Variants in ADRA1A observed in about 807,000 individuals in gnomAD.
ADRA1A encodes the protein adrenoceptor alpha 1A, also known as alpha-1A adrenergic receptor.
Under a neutral mutation model 29.6 loss-of-function variants are expected in ADRA1A, and 31 were observed. The ratio of observed to expected loss-of-function variants is 1.05; its 90% confidence interval spans 0.79 to 1.41. The LOEUF (loss-of-function observed/expected upper bound fraction) is 1.41. Among genes scored for constraint, ADRA1A ranks in the 40% most tolerant of loss-of-function variants. The probability of loss-of-function intolerance (pLI) is 0.00; values close to 1 mark genes in which losing one functional copy is unlikely to be tolerated. For synonymous variants in ADRA1A, 311 were observed against 254.3 expected (o/e 1.22, Z -2.12); for missense variants, 619 against 601.1 (o/e 1.03, Z -0.31).
downstream of ADRA1A, among the ~76,000 whole-genome samples, chr8:26,755,387 A>T (rs1203452976): frequency 6.6e-6 from 1 of 152,162 alleles, no homozygotes; most frequent in Non-Finnish European, 1.5e-5. Context: ...TTGGCTTAAA[A>T]AAAAGAGTGA....
At chr8:26,780,519 G>A (rs1482699963) in intron 2 of ADRA1A, among the ~76,000 whole-genome samples, 1 of 152,116 alleles carries the variant, frequency 6.6e-6, no homozygotes, top group Non-Finnish European at 1.5e-5. Context: ...CTGTCTTCAA[G>A]GCTGTTTTCA....
In ADRA1A at chr8:26,825,054, C is replaced by T. The variant is rs1269892376; in HGVS notation, c.883+39033G>A. On this transcript the variant is annotated intron_variant, in intron 2 of 2. Coordinates refer to ENST00000380573, the MANE Select transcript of ADRA1A (RefSeq NM_000680.4). The surrounding 1 kb of genome is among the most constrained non-coding windows in gnomAD (Gnocchi z 5.7). ...TGGAATTGAGTTACCAGTGGAGCAA[C>T]ATGCCAGCTTCCTTCTGACAGCGTT... 1.3e-5 allele frequency among the ~76,000 whole-genome samples: 2 copies of T among 152,150 alleles called. No individual in the cohort carries two copies. Among genetic ancestry groups the T allele is most frequent in the African/African-American group, 4.8e-5 (2 of 41,442 alleles).
intron 2 of ADRA1A, among the ~76,000 whole-genome samples, chr8:26,812,614 GA>G (rs1298021653): frequency 2.0e-5 from 3 of 148,648 alleles, no homozygotes; most frequent in Non-Finnish European, 3.0e-5. Context: ...CCAAAAAAGG[GA>G]GTTGCCTTTT....
chr8:26,770,677 A>G lies in ADRA1A; in HGVS notation c.884-11T>C. 6.2e-7 allele frequency: 1 copy of G among 1,602,790 alleles called. No homozygotes were observed. Among genetic ancestry groups the G allele is most frequent in the Non-Finnish European group, 8.5e-7 (1 of 1,175,374 alleles). On this transcript the variant is annotated splice_polypyrimidine_tract_variant and intron_variant, in intron 2 of 2. Transcript: ENST00000380573. ...CAGGGAAGAAAGACCCTGGAAGAAA[A>G]CACACAGATTTATACATATTATTTG...
downstream of ADRA1A, among the ~76,000 whole-genome samples, chr8:26,753,555 T>C (rs78050475): frequency 1.6e-3 from 243 of 152,342 alleles, 4 homozygotes; most frequent in East Asian, 0.043. Flanking sequence ...GCTCTTCCTA[T>C]ACTTATTTAC....
intron 2 of ADRA1A, among the ~76,000 whole-genome samples, chr8:26,850,188 A>T (rs182545328): frequency 9.9e-5 from 15 of 152,204 alleles, no homozygotes; most frequent in African/African-American, 3.6e-4. Context: ...AAGTTACCCC[A>T]AACAGAAGTC....
At chr8:26,782,641 T>A (rs1341519405) in intron 2 of ADRA1A, among the ~76,000 whole-genome samples, 1 of 152,180 alleles carries the variant, frequency 6.6e-6, no homozygotes, top group Non-Finnish European at 1.5e-5. Flanking sequence ...GCTGGTACTT[T>A]CAGGGGGAAG....
At chr8:26,801,994 A>G (rs7839120) in intron 2 of ADRA1A, among the ~76,000 whole-genome samples, 4,969 of 152,300 alleles carry the variant, frequency 0.033, 150 homozygotes, top group African/African-American at 0.079. Context: ...ACACTGGGGA[A>G]CGAACACTCT....
chr8:26,753,812 T>C (rs1805030529), downstream of ADRA1A, among the ~76,000 whole-genome samples: 2 of 152,218 alleles, frequency 1.3e-5, no homozygotes, highest in South Asian at 4.1e-4. Flanking sequence ...ACTAGGGTGT[T>C]ATGTGTTTAA....
Position 26,769,885 on chromosome 8 carries a change from G to A in ADRA1A, c.*264C>T, listed in dbSNP as rs1806010086. ...TCTGTTTCCCATGGTGGTTTTCGTT[G>A]AAGTGGGCACAGAGTGACCAAGAAA... On this transcript the variant is annotated 3_prime_UTR_variant, in exon 3 of 3. Transcript: ENST00000380573. The A allele has an allele frequency of 1.7e-6, 2 of 1,199,570 alleles. No homozygotes were observed. The highest frequency in any genetic ancestry group is 2.1e-6 in the Non-Finnish European group (2 of 966,488). 74.3% of individuals were successfully genotyped at this position (1,199,570 alleles called of 1,614,324 possible).
downstream of ADRA1A, among the ~76,000 whole-genome samples, chr8:26,764,569 A>G (rs1336431535): frequency 2.0e-5 from 3 of 152,208 alleles, no homozygotes; most frequent in East Asian, 1.9e-4. Flanking sequence ...GTCATGGAAA[A>G]AGGAGTCGGA....
intron 2 of ADRA1A, among the ~76,000 whole-genome samples, chr8:26,856,185 C>G (rs1813030703): frequency 6.6e-6 from 1 of 152,176 alleles, no homozygotes. Context: ...CACGAGAAAG[C>G]TTTTCTCATA....
At chr8:26,788,015 A>G (rs571049686) in intron 2 of ADRA1A, among the ~76,000 whole-genome samples, 1 of 152,090 alleles carries the variant, frequency 6.6e-6, no homozygotes, top group South Asian at 2.1e-4. Context: ...TGGTTTACAC[A>G]ATGGTTACCC....
Position 26,806,034 on chromosome 8 carries a change from G to A in ADRA1A, c.884-35368C>T, listed in dbSNP as rs1341116716. On this transcript the variant is annotated intron_variant, in intron 2 of 2. Transcript: ENST00000380573. The surrounding 1 kb of genome is among the most constrained non-coding windows in gnomAD (Gnocchi z 4.6). ...TAGGACATTCCCTGAGGCCACTTGT[G>A]GCAGCCGCCAATGTGCTTGCTCTTC... Among the ~76,000 whole-genome samples the A allele has an allele frequency of 6.6e-6, 1 of 152,188 alleles. No individual in the cohort carries two copies. The highest frequency in any genetic ancestry group is 2.4e-5 in the African/African-American group (1 of 41,446).
intron 2 of ADRA1A, among the ~76,000 whole-genome samples, chr8:26,840,072 T>C (rs1000496641): frequency 6.6e-6 from 1 of 152,248 alleles, no homozygotes; most frequent in Non-Finnish European, 1.5e-5. Flanking sequence ...TGGCTGGGGT[T>C]GTTGAATCTA....
At chr8:26,784,497 T>C (rs12676550) in intron 2 of ADRA1A, among the ~76,000 whole-genome samples, 29,198 of 152,184 alleles carry the variant, frequency 0.19, 3,642 homozygotes, top group African/African-American at 0.35. Context: ...GCAGTAAAAC[T>C]TTTACTCAAC....
chr8:26,847,707 GCCC>G (rs1812317053), intron 2 of ADRA1A, among the ~76,000 whole-genome samples: 1 of 152,148 alleles, frequency 6.6e-6, no homozygotes. Flanking sequence ...CAGCTCATGT[GCCC>G]TTTGTCAACC....
chr8:26,790,656 G>A (rs1396966644), intron 2 of ADRA1A, among the ~76,000 whole-genome samples: 2 of 152,088 alleles, frequency 1.3e-5, no homozygotes, highest in Non-Finnish European at 2.9e-5. Flanking sequence ...TGATGGATAT[G>A]TTAATCACTC....
Position 26,864,855 on chromosome 8 carries a change from A to C in ADRA1A, c.115T>G (p.Phe39Val). The C allele has an allele frequency of 6.2e-7, 1 of 1,614,090 alleles. No individual in the cohort carries two copies. The highest frequency in any genetic ancestry group is 8.5e-7 in the Non-Finnish European group (1 of 1,180,002). ...LGVILGGLIL[F>V]GVLGNILVIL... ...ACTAGGATGTTACCCAGCACCCCGA[A>C]AAGAATGAGGCCCCCCAAGATCACC... The change falls in exon 2 of 3, where the codon TTC becomes GTC. Residue 39 changes from phenylalanine to valine, a missense_variant. Physicochemically the swap from Phe to Val is conservative, Grantham distance 50. Transcript: ENST00000380573. The surrounding 1 kb of genome is among the most constrained non-coding windows in gnomAD (Gnocchi z 8.1).
Sources: allele counts gnomAD v4.1 joint callset (sites outside exome capture counted in the v4.1 genomes callset), GRCh38; gene constraint gnomAD v4.1.1; non-coding constraint Gnocchi (gnomAD v3.1); transcripts MANE v1.5; gene names NCBI Gene and HGNC (gene_info 2026-07-23, HGNC 2026-07-21).